The following ANO3 variants were observed in gnomAD, a reference collection of about 807,000 sequenced individuals.
ANO3 encodes the protein anoctamin 3, also known as anoctamin-3.
Under a neutral mutation model 144.8 loss-of-function variants are expected in ANO3, and 99 were observed. That is an observed-to-expected ratio of 0.68 (90% CI 0.58 to 0.81). ANO3 has a LOEUF of 0.81. ANO3 is among the 30% of genes least tolerant of loss of function. The pLI is 0.00. For synonymous variants in ANO3, 414 were observed against 392.6 expected, an observed-to-expected ratio of 1.05 and a Z score of -0.64; for missense variants, 905 against 1,202.2, an observed-to-expected ratio of 0.75 and a Z score of 3.66.
At position 26,537,849 on chromosome 11, in the gene ANO3, A is replaced by G. The variant is rs150463903; in HGVS notation, c.1032+388A>G. Among the ~76,000 whole-genome samples the G allele has an allele frequency of 3.0e-3, 464 of 152,248 alleles. 5 individuals are homozygous for G. Among genetic ancestry groups the G allele is most frequent in the African/African-American group, 0.01 (427 of 41,542 alleles). On this transcript the variant is annotated intron_variant, in intron 10 of 26. Coordinates refer to ENST00000256737, the MANE Select transcript of ANO3 (RefSeq NM_031418.4). ...AAGTCCACCACAAAAACCTATAGCC[A>G]ATTACCTCCTCAATTATTTGTCAGA...
chr11:26,218,781 T>C (rs911589228), intron 1 of ANO3, among the ~76,000 whole-genome samples: 2 of 152,202 alleles, frequency 1.3e-5, no homozygotes, highest in African/African-American at 2.4e-5. Context: ...TATAAAAGCC[T>C]GTAGCCCATA....
At chr11:26,457,624 T>TA (rs1859218030) in intron 3 of ANO3, among the ~76,000 whole-genome samples, 2 of 152,110 alleles carry the variant, frequency 1.3e-5, no homozygotes, top group African/African-American at 2.4e-5. Context: ...AGTCTAACGT[T>TA]AAAAAACTGT....
At chr11:26,586,501 A>ATATTTTTTTTTTTTTTTTTTTTTTTT (rs1281089936) in intron 14 of ANO3, among the ~76,000 whole-genome samples, 1 of 40,018 alleles carries the variant, frequency 2.5e-5, no homozygotes, top group Non-Finnish European at 5.0e-5. Context: ...CCTGGTGAGA[A>ATATTTTTTTTTTTTTTTTTTTTTTTT]TCTTTTTTTT....
chr11:26,528,040 G>A (rs1849209619), intron 7 of ANO3, among the ~76,000 whole-genome samples: 1 of 152,048 alleles, frequency 6.6e-6, no homozygotes, highest in Non-Finnish European at 1.5e-5. Flanking sequence ...TAAACCTAAA[G>A]CTCTATTTTT....
chr11:26,595,482 T>TA (rs1851594341), intron 14 of ANO3, among the ~76,000 whole-genome samples: 2 of 148,160 alleles, frequency 1.3e-5, no homozygotes, highest in Non-Finnish European at 3.0e-5. Flanking sequence ...TTTTTTTTTT[T>TA]TTTTTATTCT....
chr11:26,392,216 T>C (rs1856899300), intron 1 of ANO3, among the ~76,000 whole-genome samples: 1 of 151,236 alleles, frequency 6.6e-6, no homozygotes, highest in African/African-American at 2.4e-5. Flanking sequence ...CCTTTGTCTG[T>C]GTCGTACATG....
intron 5 of ANO3, among the ~76,000 whole-genome samples, chr11:26,513,406 G>T (rs1009384993): frequency 3.3e-5 from 5 of 152,176 alleles, no homozygotes; most frequent in Admixed American, 6.5e-5. Context: ...ATGTAAACCA[G>T]AGTGATAGCT....
chr11:26,563,062 C>T, intron 14 of ANO3: 1 of 1,586,254 alleles, frequency 6.3e-7, no homozygotes, highest in Non-Finnish European at 8.6e-7. Context: ...ACATTGGCAT[C>T]CTCATTTAAT....
At chr11:26,330,934 G>A (rs541071499), upstream of ANO3, among the ~76,000 whole-genome samples, 1 of 152,144 alleles carries the variant, frequency 6.6e-6, no homozygotes, top group Admixed American at 6.5e-5. Context: ...TCAAAACTGA[G>A]GAAGCAACGG....
At chr11:26,560,881 G>C (rs1850261125) in intron 14 of ANO3, 1 of 540,552 alleles carries the variant, frequency 1.8e-6, no homozygotes, top group South Asian at 3.2e-5. Context: ...GCCAAAAATT[G>C]TAAGAAAGAA....
intron 14 of ANO3, chr11:26,561,087 G>A: frequency 6.2e-7 from 1 of 1,611,068 alleles, no homozygotes; most frequent in South Asian, 1.1e-5. Context: ...ACGAAGTGGA[G>A]GTATGTCATC....
intron 7 of ANO3, among the ~76,000 whole-genome samples, chr11:26,527,615 A>G (rs1424120230): frequency 1.3e-5 from 2 of 152,154 alleles, no homozygotes; most frequent in African/African-American, 4.8e-5. Context: ...TCTTTTCTTG[A>G]AGTGGGAAAG....
intron 1 of ANO3, among the ~76,000 whole-genome samples, chr11:26,203,395 A>C (rs987612282): frequency 5.3e-5 from 8 of 152,148 alleles, no homozygotes; most frequent in Admixed American, 5.2e-4. Flanking sequence ...AACAGGAGGA[A>C]GGCATAAAAT....
chr11:26,285,175 T>C (rs1590234085), intron 1 of ANO3, among the ~76,000 whole-genome samples: 1 of 152,224 alleles, frequency 6.6e-6, no homozygotes, highest in East Asian at 1.9e-4. Flanking sequence ...CACTTTGTTA[T>C]CTTTTAGAAA....
upstream of ANO3, among the ~76,000 whole-genome samples, chr11:26,306,167 G>T (rs1036479454): frequency 6.9e-6 from 1 of 145,076 alleles, no homozygotes. Flanking sequence ...GTAGAGACGG[G>T]GTTTCACCGT....
intron 26 of ANO3, 101 bp from the exon 27 acceptor site, chr11:26,660,161 G>A (rs1853833252): frequency 3.9e-6 from 4 of 1,036,186 alleles, no homozygotes; most frequent in African/African-American, 3.2e-5. Context: ...AAGTTCTGAT[G>A]CTTGATTCAA....
chr11:26,238,816 A>G (rs1590210399), intron 1 of ANO3, among the ~76,000 whole-genome samples: 2 of 152,172 alleles, frequency 1.3e-5, no homozygotes, highest in African/African-American at 4.8e-5. Flanking sequence ...TTGCCTAATA[A>G]TTCATTATAT....
chr11:26,429,529 G>A (rs1378531313), intron 1 of ANO3, among the ~76,000 whole-genome samples: 1 of 149,312 alleles, frequency 6.7e-6, no homozygotes, highest in Non-Finnish European at 1.5e-5. Flanking sequence ...AAAACCTAAT[G>A]TGACAGATTT....
intron 1 of ANO3, among the ~76,000 whole-genome samples, chr11:26,249,481 G>GT (rs1852876439): frequency 6.6e-6 from 1 of 152,030 alleles, no homozygotes; most frequent in Non-Finnish European, 1.5e-5. Flanking sequence ...ATTGTGTGGT[G>GT]TTCCGGTATC....
Sources: gnomAD v4.1 joint callset for allele counts (sites outside exome capture counted in the v4.1 genomes callset) on GRCh38, gnomAD v4.1.1 for gene constraint, MANE v1.5 for transcripts, NCBI Gene and HGNC (gene_info 2026-07-23, HGNC 2026-07-21) for gene names.